Variants in TMTC1 observed in about 807,000 individuals in gnomAD.
TMTC1 encodes the protein transmembrane O-mannosyltransferase targeting cadherins 1, also known as protein O-mannosyl-transferase TMTC1.
A neutral mutation model predicts 104.8 loss-of-function variants in TMTC1; 73 were observed. The ratio of observed to expected loss-of-function variants is 0.70; its 90% CI spans 0.58 to 0.85. TMTC1 has a LOEUF of 0.85. TMTC1 is among the 40% of genes least tolerant of loss of function. The pLI, the probability that TMTC1 is intolerant of heterozygous loss-of-function variation, is 0.00. For synonymous variants in TMTC1, 434 were observed against 428.7 expected (o/e 1.01, Z -0.15); for missense variants, 1,035 against 1,096.1 (o/e 0.94, Z 0.79).
intron 3 of TMTC1, among the ~76,000 whole-genome samples, chr12:29,756,662 T>C (rs1245465311): frequency 6.6e-6 from 1 of 152,186 alleles, no homozygotes; most frequent in Admixed American, 6.5e-5. Flanking sequence ...TTTCACCTTG[T>C]AAAACAGAGC....
At chr12:29,553,576 GA>G (rs376214813) in intron 10 of TMTC1, among the ~76,000 whole-genome samples, 4 of 151,402 alleles carry the variant, frequency 2.6e-5, no homozygotes, top group African/African-American at 7.3e-5. Flanking sequence ...AGGGCATCAT[GA>G]AAAAAAAGGC....
chr12:29,781,631 G>C (rs1943838442), intron 1 of TMTC1, among the ~76,000 whole-genome samples: 1 of 152,092 alleles, frequency 6.6e-6, no homozygotes, highest in Admixed American at 6.5e-5. Flanking sequence ...TTCAACACCA[G>C]CCTAGACAAC....
At chr12:29,737,184 G>A (rs1049899133) in intron 5 of TMTC1, among the ~76,000 whole-genome samples, 1 of 152,248 alleles carries the variant, frequency 6.6e-6, no homozygotes, top group African/African-American at 2.4e-5. Context: ...ACACGATGAT[G>A]CCATGGCTCA....
At chr12:29,545,676 C>CACACACACACACACACACACACACA (rs1555167547) in intron 10 of TMTC1, among the ~76,000 whole-genome samples, 1 of 137,850 alleles carries the variant, frequency 7.3e-6, no homozygotes, top group African/African-American at 2.8e-5. Context: ...CACACACACA[C>CACACACACACACACACACACACACA]GGATAGAAAC....
chr12:29,603,067 T>C (rs1445386915), intron 7 of TMTC1, among the ~76,000 whole-genome samples: 1 of 152,188 alleles, frequency 6.6e-6, no homozygotes, highest in Non-Finnish European at 1.5e-5. Flanking sequence ...CCACGTAGAA[T>C]ATAAAGAATT....
At position 29,783,458 on chromosome 12, in the gene TMTC1, G is replaced by A; in HGVS notation, c.294C>T (p.Leu98=). The change falls in exon 1 of 18, where the codon CTC becomes CTT. Residue 98 remains leucine (L), a synonymous_variant. Transcript: ENST00000539277. This position sits in a 1 kb window ranked among gnomAD's most constrained non-coding sequence, Gnocchi z 4.7. The part of the protein sequence containing the change: ...SHKSYRPLCV[L]TFKLNIFLTG... ...CGAGGTGAGGGACTCACTTGAAGGT[G>A]AGGACGCAGAGCGGCCGGTAGGACT... 1 of 1,326,472 alleles carries A rather than the reference G, an allele frequency of 7.5e-7. No individual in the cohort carries two copies. The highest frequency in any genetic ancestry group is 1.5e-5 in the African/African-American group (1 of 66,524). The allele number at this position is 1,326,472 out of a possible 1,614,324, so 82.2% of individuals were successfully genotyped here. A position where few individuals can be genotyped will look rare whatever the true frequency, so the allele number is the denominator to read the frequency against.
intron 5 of TMTC1, among the ~76,000 whole-genome samples, chr12:29,634,175 G>A (rs1158270244): frequency 6.6e-6 from 1 of 152,090 alleles, no homozygotes; most frequent in Non-Finnish European, 1.5e-5. Flanking sequence ...ATTTGCTCTA[G>A]TCAACACGTT....
At chr12:29,521,686 G>T (rs191579510) in intron 11 of TMTC1, among the ~76,000 whole-genome samples, 266 of 150,234 alleles carry the variant, frequency 1.8e-3, no homozygotes, top group African/African-American at 6.3e-3. Context: ...TCCCACCTCA[G>T]CTCCCTGAGT....
At chr12:29,520,512 G>T in intron 12 of TMTC1, 106 bp downstream of exon 12, 2 of 941,704 alleles carry the variant, frequency 2.1e-6, no homozygotes, top group Non-Finnish European at 1.7e-6. Flanking sequence ...TGAGCTTCCT[G>T]CCAAGCCCAG....
At chr12:29,567,673 C>T (rs1945554131) in intron 9 of TMTC1, among the ~76,000 whole-genome samples, 1 of 152,148 alleles carries the variant, frequency 6.6e-6, no homozygotes, top group Admixed American at 6.5e-5. Flanking sequence ...AGCTGGTATC[C>T]AAGTCCACCT....
At chr12:29,741,619 C>T (rs777366917) in intron 5 of TMTC1, among the ~76,000 whole-genome samples, 2 of 152,144 alleles carry the variant, frequency 1.3e-5, no homozygotes, top group Non-Finnish European at 2.9e-5. Flanking sequence ...ATTTCTTTGT[C>T]TCTTGCGCAA....
chr12:29,751,669 A>C lies in TMTC1; in HGVS notation c.935T>G (p.Met312Arg), dbSNP rs778516189. The change falls in exon 5 of 18, where the codon ATG (methionine) becomes AGG (arginine). Residue 312 changes from methionine to arginine, a missense_variant. Transcript: ENST00000539277. Reference sequence around the variant, plus strand: ...ACCAAGAAACCCAGCCCAGTACCTCATCATGGACCACACAGCTCGTGGGGA... The same window carrying C: ...ACCAAGAAACCCAGCCCAGTACCTCCTCATGGACCACACAGCTCGTGGGGA... ...PVSPRAVWSM[M>R]RFLTYSYLLA... is the part of the protein sequence containing the mutation. The C allele has an allele frequency of 2.0e-5, 32 of 1,614,014 alleles. No individual in the cohort carries two copies. The highest frequency in any genetic ancestry group is 2.6e-5 in the Non-Finnish European group (31 of 1,180,026).
intron 5 of TMTC1, among the ~76,000 whole-genome samples, chr12:29,656,902 C>CT (rs1203214294): frequency 1.3e-5 from 2 of 152,098 alleles, no homozygotes; most frequent in Non-Finnish European, 2.9e-5. Flanking sequence ...ACTTAATGCC[C>CT]TTGGCCCCTA....
At chr12:29,676,580 T>G (rs887833939) in intron 5 of TMTC1, among the ~76,000 whole-genome samples, 3 of 152,176 alleles carry the variant, frequency 2.0e-5, no homozygotes, top group African/African-American at 7.2e-5. Context: ...CCATAGTCAG[T>G]CAGAGATCGA....
chr12:29,537,413 A>C lies in TMTC1; in HGVS notation c.1677-1096T>G, dbSNP rs561267516. ...TATTATACTCATTTTTCTAATGAGA[A>C]ATTTTCAATTCAGGGAAGTCAAGTG... is the stretch of plus-strand genomic sequence containing the variant. On this transcript the variant is annotated intron_variant, in intron 10 of 17. Transcript: ENST00000539277. Among the ~76,000 whole-genome samples, 45 of 152,334 alleles carry C rather than the reference A, an allele frequency of 3.0e-4. 1 individual carries two copies. The highest frequency in any genetic ancestry group is 7.3e-5 in the Non-Finnish European group (5 of 68,030).
intron 5 of TMTC1, among the ~76,000 whole-genome samples, chr12:29,633,700 CAGT>C (rs972913188): frequency 5.3e-5 from 8 of 152,158 alleles, no homozygotes; most frequent in Non-Finnish European, 1.2e-4. Context: ...CAGAATTCTG[CAGT>C]AGATTTGAAA....
At chr12:29,564,989 G>A (rs1203121796) in intron 9 of TMTC1, among the ~76,000 whole-genome samples, 1 of 152,130 alleles carries the variant, frequency 6.6e-6, no homozygotes, top group African/African-American at 2.4e-5. Context: ...AGTAAAAGAG[G>A]AAAATCTGAA....
intron 5 of TMTC1, among the ~76,000 whole-genome samples, chr12:29,707,183 A>G (rs967550739): frequency 6.6e-6 from 1 of 152,076 alleles, no homozygotes; most frequent in Admixed American, 6.5e-5. Flanking sequence ...CTGGTTTTAG[A>G]ACCATGCTGG....
rs879602127 is a variant in TMTC1, at chr12:29,725,011, G to GTTTTTTTTTTTTTTTTTTTTTTT, written c.938+26654_938+26655insAAAAAAAAAAAAAAAAAAAAAAA. Among the ~76,000 whole-genome samples, 9 of 115,754 alleles carry GTTTTTTTTTTTTTTTTTTTTTTT rather than the reference G, an allele frequency of 7.8e-5. 2 individuals are homozygous for GTTTTTTTTTTTTTTTTTTTTTTT. The highest frequency in any genetic ancestry group is 2.7e-4 in the East Asian group (1 of 3,644). 75.9% of individuals were successfully genotyped at this position (115,754 alleles called of 152,430 possible). Reference sequence around the variant, plus strand: ...CGTAGTTTAGCTATATATCTGCCAAGTTCTTTTTTTTTTTTTTTTTTTTTT... The same window carrying GTTTTTTTTTTTTTTTTTTTTTTT: ...CGTAGTTTAGCTATATATCTGCCAAGTTTTTTTTTTTTTTTTTTTTTTTTTCTTTTTTTTTTTTTTTTTTTTTT... On this transcript the variant is annotated intron_variant, in intron 5 of 17. Coordinates refer to ENST00000539277, the MANE Select transcript of TMTC1 (RefSeq NM_001193451.2).
Sources: allele counts gnomAD v4.1 joint callset (sites outside exome capture counted in the v4.1 genomes callset), GRCh38; gene constraint gnomAD v4.1.1; non-coding constraint Gnocchi (gnomAD v3.1); transcripts MANE v1.5; gene names NCBI Gene and HGNC (gene_info 2026-07-23, HGNC 2026-07-21).